Variants in KHDRBS3 observed in about 807,000 individuals in gnomAD.
The protein encoded by KHDRBS3 is KH domain-containing, RNA-binding, signal transduction-associated protein 3.
In KHDRBS3, 23 loss-of-function variants were observed where a neutral mutation model predicts 45.6. The observed-to-expected ratio is 0.50, with a 90% CI of 0.36 to 0.72. The LOEUF (loss-of-function observed/expected upper bound fraction) is 0.72. Among genes scored for constraint, KHDRBS3 ranks in the 30% least tolerant of loss-of-function variants. The probability of loss-of-function intolerance (pLI) is 0.00; values close to 1 mark genes in which losing one functional copy is unlikely to be tolerated. For synonymous variants in KHDRBS3, 162 were observed against 156.5 expected (o/e 1.04, Z -0.26); for missense variants, 352 against 424.8 (o/e 0.83, Z 1.51).
At chr8:135,466,308 A>G (rs1821696514) in intron 1 of KHDRBS3, among the ~76,000 whole-genome samples, 1 of 152,136 alleles carries the variant, frequency 6.6e-6, no homozygotes, top group African/African-American at 2.4e-5. Context: ...TTAATCCATG[A>G]CTTTCACGTG....
At chr8:135,522,841 A>G (rs1228343410) in intron 2 of KHDRBS3, among the ~76,000 whole-genome samples, 2 of 152,202 alleles carry the variant, frequency 1.3e-5, no homozygotes, top group African/African-American at 2.4e-5. Context: ...TGTATATGGT[A>G]TGAGATAGAG....
chr8:135,649,868 A>G (rs1164750572), downstream of KHDRBS3, among the ~76,000 whole-genome samples: 1 of 152,146 alleles, frequency 6.6e-6, no homozygotes, highest in East Asian at 1.9e-4. Flanking sequence ...ATCAGACTGT[A>G]AAAGGAATTG....
rs1251500247 is a variant in KHDRBS3 at position 135,457,829 on chromosome 8, G to T, written c.-38G>T. 4 of 1,441,432 alleles carry T rather than the reference G, an allele frequency of 2.8e-6. No homozygotes were observed. Among genetic ancestry groups the T allele is most frequent in the Non-Finnish European group, 3.7e-6 (4 of 1,070,956 alleles). 89.3% of individuals were successfully genotyped at this position (1,441,432 alleles called of 1,614,324 possible). ...GGTTGCCGGGCGCCGCCCCCCGTGC[G>T]CCTGGAGTCCACATCCCGGGCCCGG... On this transcript the variant is annotated 5_prime_UTR_variant, in exon 1 of 9. Transcript: ENST00000355849. The surrounding 1 kb of genome is among the most constrained non-coding windows in gnomAD (Gnocchi z 4.4).
At chr8:135,561,041 G>T (rs888331834) in intron 5 of KHDRBS3, among the ~76,000 whole-genome samples, 1 of 152,060 alleles carries the variant, frequency 6.6e-6, no homozygotes, top group Non-Finnish European at 1.5e-5. Flanking sequence ...GGAATTCAAA[G>T]CCTTCTTGGT....
At chr8:135,520,086 A>C (rs936358304) in intron 1 of KHDRBS3, among the ~76,000 whole-genome samples, 1 of 151,990 alleles carries the variant, frequency 6.6e-6, no homozygotes, top group Non-Finnish European at 1.5e-5. Flanking sequence ...ACCTCTTTGA[A>C]CCTCCTCTTT....
At chr8:135,567,440 T>C (rs1586733233) in intron 5 of KHDRBS3, among the ~76,000 whole-genome samples, 1 of 152,188 alleles carries the variant, frequency 6.6e-6, no homozygotes, top group East Asian at 1.9e-4. Context: ...ATGGAATAAC[T>C]CCAGTTTGGG....
At chr8:135,532,341 T>G (rs1825520226) in intron 2 of KHDRBS3, among the ~76,000 whole-genome samples, 1 of 152,168 alleles carries the variant, frequency 6.6e-6, no homozygotes. Context: ...AAATAAACCT[T>G]GTTTGTTCTC....
At chr8:135,634,611 G>T (rs1231268983) in intron 7 of KHDRBS3, among the ~76,000 whole-genome samples, 2 of 152,084 alleles carry the variant, frequency 1.3e-5, no homozygotes, top group African/African-American at 4.8e-5. Flanking sequence ...TGCCAGTTAG[G>T]GAACTGAAGC....
chr8:135,583,351 G>A (rs1254902171), intron 6 of KHDRBS3, among the ~76,000 whole-genome samples: 1 of 152,206 alleles, frequency 6.6e-6, no homozygotes, highest in African/African-American at 2.4e-5. Context: ...ATTCGTTACA[G>A]TTAAATGTGT....
chr8:135,638,831 GTCCCAGCTAC>G (rs1311199079), intron 7 of KHDRBS3, among the ~76,000 whole-genome samples: 11 of 149,900 alleles, frequency 7.3e-5, no homozygotes, highest in Non-Finnish European at 1.0e-4. Flanking sequence ...CGCGCCTATA[GTCCCAGCTAC>G]TCCCAGCTAC....
downstream of KHDRBS3, among the ~76,000 whole-genome samples, chr8:135,649,016 C>G (rs140851149): frequency 4.1e-4 from 63 of 152,146 alleles, no homozygotes; most frequent in East Asian, 0.011. Flanking sequence ...AAATTTTTGA[C>G]AGTATTTATC....
intron 3 of KHDRBS3, among the ~76,000 whole-genome samples, chr8:135,547,515 A>C (rs1387038441): frequency 6.6e-6 from 1 of 152,192 alleles, no homozygotes; most frequent in Non-Finnish European, 1.5e-5. Flanking sequence ...AGCTGAGATG[A>C]AATTATAGGT....
intron 1 of KHDRBS3, among the ~76,000 whole-genome samples, chr8:135,473,819 C>T (rs946771417): frequency 2.0e-5 from 3 of 152,198 alleles, no homozygotes; most frequent in African/African-American, 4.8e-5. Flanking sequence ...AAGGGCCCCT[C>T]CTCAGAAGAC....
intron 5 of KHDRBS3, among the ~76,000 whole-genome samples, chr8:135,572,547 G>A (rs1413586016): frequency 6.6e-6 from 1 of 152,084 alleles, no homozygotes; most frequent in Non-Finnish European, 1.5e-5. Flanking sequence ...TTCATAAAAG[G>A]GCTACAACCT....
At chr8:135,464,412 C>T (rs1821592531) in intron 1 of KHDRBS3, among the ~76,000 whole-genome samples, 1 of 152,106 alleles carries the variant, frequency 6.6e-6, no homozygotes, top group South Asian at 2.1e-4. Context: ...GAAATTCTTG[C>T]TGAAGTTCTG....
intron 3 of KHDRBS3, among the ~76,000 whole-genome samples, chr8:135,543,734 GT>G (rs1164824283): frequency 5.9e-5 from 9 of 152,164 alleles, no homozygotes; most frequent in Admixed American, 5.9e-4. Flanking sequence ...GAGAACTTGA[GT>G]ATATTATCTG....
At chr8:135,653,028 G>C (rs1831461230) in intron 4 of KHDRBS3, among the ~76,000 whole-genome samples, 1 of 152,170 alleles carries the variant, frequency 6.6e-6, no homozygotes, top group Non-Finnish European at 1.5e-5. Context: ...GTTCTGTCCT[G>C]TGTGTTTATC....
intron 5 of KHDRBS3, among the ~76,000 whole-genome samples, chr8:135,579,108 A>AT (rs755726592): frequency 4.7e-4 from 72 of 151,992 alleles, no homozygotes; most frequent in Admixed American, 1.2e-3. Flanking sequence ...ATTTTTGGGG[A>AT]TTTTTTTACA....
chr8:135,606,107 G>T (rs757483205), intron 6 of KHDRBS3, among the ~76,000 whole-genome samples: 2 of 152,064 alleles, frequency 1.3e-5, no homozygotes, highest in African/African-American at 2.4e-5. Context: ...AGAGATTTTA[G>T]TAAATGCCTA....
Sources: allele counts gnomAD v4.1 joint callset (sites outside exome capture counted in the v4.1 genomes callset), GRCh38; gene constraint gnomAD v4.1.1; non-coding constraint Gnocchi (gnomAD v3.1); transcripts MANE v1.5; gene names NCBI Gene and HGNC (gene_info 2026-07-23, HGNC 2026-07-21).